The following FOXP2 variants were observed in gnomAD, a reference collection of about 807,000 sequenced individuals.
The protein encoded by FOXP2 is forkhead box protein P2.
In FOXP2, 12 loss-of-function variants were observed where a neutral mutation model predicts 115.8. The observed-to-expected ratio is 0.10, with a 90% CI of 0.07 to 0.17. The LOEUF (loss-of-function observed/expected upper bound fraction) is 0.17. Among genes scored for constraint, FOXP2 ranks in the 10% least tolerant of loss-of-function variants. The pLI is 1.00. For synonymous variants in FOXP2, 328 were observed against 297.7 expected, an observed-to-expected ratio of 1.10 and a Z score of -1.05; for missense variants, 629 against 843.5, an observed-to-expected ratio of 0.75 and a Z score of 3.15.
intron 2 of FOXP2, among the ~76,000 whole-genome samples, chr7:114,340,150 TG>T (rs1791164559): frequency 6.6e-6 from 1 of 151,192 alleles, no homozygotes; most frequent in African/African-American, 2.4e-5. Context: ...GTATTTTATT[TG>T]GGTTAGAGCT....
intron 1 of FOXP2, among the ~76,000 whole-genome samples, chr7:114,275,648 T>G (rs1796168602): frequency 6.6e-6 from 1 of 152,216 alleles, no homozygotes; most frequent in Non-Finnish European, 1.5e-5. Flanking sequence ...ATAATAGTTG[T>G]TTTACATTCC....
At chr7:114,255,179 G>A (rs547234639) in intron 1 of FOXP2, among the ~76,000 whole-genome samples, 5 of 128,094 alleles carry the variant, frequency 3.9e-5, no homozygotes, top group South Asian at 2.8e-4. Context: ...GTACCTGGCC[G>A]TGTGAGATGT....
At chr7:114,463,616 G>A (rs1304946805) in intron 2 of FOXP2, among the ~76,000 whole-genome samples, 4 of 151,930 alleles carry the variant, frequency 2.6e-5, no homozygotes, top group Non-Finnish European at 5.9e-5. Context: ...TCATTTTATG[G>A]GAAATTTTAC....
At chr7:114,246,627 T>C (rs1372907034) in intron 1 of FOXP2, among the ~76,000 whole-genome samples, 4 of 152,146 alleles carry the variant, frequency 2.6e-5, no homozygotes, top group Non-Finnish European at 5.9e-5. Flanking sequence ...TTTTTTTCAA[T>C]AAATTTTTTT....
intron 2 of FOXP2, among the ~76,000 whole-genome samples, chr7:114,294,448 C>T (rs1266421966): frequency 6.6e-6 from 1 of 152,080 alleles, no homozygotes; most frequent in Non-Finnish European, 1.5e-5. Context: ...GAGTGCTGTA[C>T]TTTGAAGCAT....
rs768859747 is a variant in FOXP2 at position 114,691,940 on chromosome 7, AAAG to A, written c.*2017_*2019del. 20 of 398,908 alleles carry A rather than the reference AAAG, an allele frequency of 5.0e-5. No homozygotes were observed. The highest frequency in any genetic ancestry group is 2.1e-4 in the East Asian group (3 of 14,154). The allele number at this position is 398,908 out of a possible 1,614,324, so 24.7% of individuals were successfully genotyped here. ...AGCTTCTACCTCTGCAAAAAAAAAA[AAAG>A]AAAAAAAAAAAAAGAAAAACATTAG... On this transcript the variant is annotated 3_prime_UTR_variant, in exon 17 of 17. Transcript: ENST00000350908.
In FOXP2 at chr7:114,642,498, G is replaced by A; in HGVS notation, c.864G>A (p.Gly288=). Residue 288 remains glycine, a synonymous_variant, in exon 7 of 17, where the codon GGG becomes GGA. Coordinates refer to ENST00000350908, the MANE Select transcript of FOXP2 (RefSeq NM_014491.4). ...AAGACAATGGCATTAAACATGGAGG[G>A]CTAGACCTCACTACTAACAATTCCT... The part of the protein sequence containing the change: ...SMEDNGIKHG[G]LDLTTNNSSS... 5.6e-6 allele frequency: 9 copies of A among 1,613,746 alleles called. No individual in the cohort carries two copies. The highest frequency in any genetic ancestry group is 1.7e-4 in the Middle Eastern group (1 of 6,060).
intron 2 of FOXP2, among the ~76,000 whole-genome samples, chr7:114,459,108 G>A (rs535050431): frequency 1.3e-5 from 2 of 152,264 alleles, no homozygotes; most frequent in African/African-American, 4.8e-5. Flanking sequence ...GTTCAGCATG[G>A]CACCTGGCTA....
intron 1 of FOXP2, among the ~76,000 whole-genome samples, chr7:114,137,962 C>A (rs1792087476): frequency 6.6e-6 from 1 of 151,880 alleles, no homozygotes; most frequent in Non-Finnish European, 1.5e-5. Context: ...AAACAGGGAT[C>A]CTTAGAGAAA....
intron 2 of FOXP2, among the ~76,000 whole-genome samples, chr7:114,524,664 CA>C (rs1318623566): frequency 6.6e-6 from 1 of 152,152 alleles, no homozygotes; most frequent in African/African-American, 2.4e-5. Context: ...ACTGGCATAT[CA>C]TGAGCACTTA....
At chr7:114,297,621 G>A (rs1351375674) in intron 2 of FOXP2, among the ~76,000 whole-genome samples, 1 of 152,168 alleles carries the variant, frequency 6.6e-6, no homozygotes, top group Non-Finnish European at 1.5e-5. Flanking sequence ...AGAAGTCCTT[G>A]ACACTTTTTT....
chr7:114,231,940 G>C (rs1222286725), intron 1 of FOXP2, among the ~76,000 whole-genome samples: 1 of 152,106 alleles, frequency 6.6e-6, no homozygotes, highest in African/African-American at 2.4e-5. Context: ...CAGAGTGGTA[G>C]AAAGTATCTG....
At chr7:114,671,358 G>A (rs1404379862) in intron 16 of FOXP2, among the ~76,000 whole-genome samples, 3 of 152,134 alleles carry the variant, frequency 2.0e-5, no homozygotes, top group East Asian at 1.9e-4. Context: ...TATCCCCACC[G>A]TGCCAATTGT....
At chr7:114,183,606 A>T (rs1417944506) in intron 1 of FOXP2, among the ~76,000 whole-genome samples, 1 of 152,200 alleles carries the variant, frequency 6.6e-6, no homozygotes, top group African/African-American at 2.4e-5. Flanking sequence ...AAATAATGTA[A>T]CTGAAAGTTC....
At chr7:114,687,245 T>C (rs1444394805) in intron 16 of FOXP2, among the ~76,000 whole-genome samples, 1 of 152,208 alleles carries the variant, frequency 6.6e-6, no homozygotes, top group Non-Finnish European at 1.5e-5. Context: ...ATAGCTAATA[T>C]GGTTTGTGTC....
chr7:114,381,471 T>A (rs1792292895), intron 2 of FOXP2, among the ~76,000 whole-genome samples: 1 of 152,194 alleles, frequency 6.6e-6, no homozygotes, highest in African/African-American at 2.4e-5. Flanking sequence ...AGATGGGGGC[T>A]ATCCTTGAAC....
At chr7:114,130,340 C>A (rs2129145135) in intron 1 of FOXP2, among the ~76,000 whole-genome samples, 1 of 152,110 alleles carries the variant, frequency 6.6e-6, no homozygotes, top group Admixed American at 6.6e-5. Context: ...CTAGAACATA[C>A]CAGAAAGATT....
rs569429331 is a variant in FOXP2 at position 114,513,777 on chromosome 7, T to A, written c.169-20840T>A. Among the ~76,000 whole-genome samples the A allele has an allele frequency of 5.3e-5, 8 of 152,202 alleles. No individual in the cohort carries two copies. The East Asian group carries it at 5.8e-4, about 11-fold the overall frequency. ...TAAATTTCAGCTAAAAAGTCCTAAT[T>A]TTTAGAATCTTGCATAATATAATTT... is the stretch of plus-strand genomic sequence containing the variant. On this transcript the variant is annotated intron_variant, in intron 2 of 16. Transcript: ENST00000350908.
intron 3 of FOXP2, among the ~76,000 whole-genome samples, chr7:114,610,752 A>G (rs574364501): frequency 1.3e-3 from 199 of 151,496 alleles, no homozygotes; most frequent in Non-Finnish European, 2.6e-3. Context: ...CTCTTACCTC[A>G]GCCTCCCAAA....
Sources: gnomAD v4.1 joint callset for allele counts (sites outside exome capture counted in the v4.1 genomes callset) on GRCh38, gnomAD v4.1.1 for gene constraint, MANE v1.5 for transcripts, NCBI Gene and HGNC (gene_info 2026-07-23, HGNC 2026-07-21) for gene names.